Variants in SERGEF observed in about 807,000 individuals in gnomAD.
SERGEF encodes secretion regulating guanine nucleotide exchange factor.
A neutral mutation model predicts 50.0 loss-of-function variants in SERGEF; 51 were observed. The observed-to-expected ratio is 1.02, with a 90% confidence interval of 0.81 to 1.29. SERGEF has a LOEUF of 1.29. Among genes scored for constraint, SERGEF ranks in the 50% most tolerant of loss-of-function variants. The pLI is 0.00. For synonymous variants in SERGEF, 205 were observed against 212.4 expected, an observed-to-expected ratio of 0.97 and a Z score of 0.30; for missense variants, 521 against 557.0, an observed-to-expected ratio of 0.94 and a Z score of 0.65.
intron 9 of SERGEF, among the ~76,000 whole-genome samples, chr11:17,893,234 G>A (rs147669178): frequency 0.01 from 1,575 of 152,252 alleles, 24 homozygotes; most frequent in Middle Eastern, 0.075. Flanking sequence ...TTAAATAGAT[G>A]AGAAAATTGA....
chr11:17,999,540 G>A (rs771686840), intron 5 of SERGEF: 1 of 455,964 alleles, frequency 2.2e-6, no homozygotes, highest in South Asian at 1.6e-5. Context: ...CGAAGCACCT[G>A]AGCCTCAGCT....
intron 9 of SERGEF, among the ~76,000 whole-genome samples, chr11:17,917,394 A>G (rs1852069032): frequency 6.6e-6 from 1 of 152,174 alleles, no homozygotes; most frequent in African/African-American, 2.4e-5. Flanking sequence ...AGAATGACAC[A>G]ATAGACTTCA....
intron 10 of SERGEF, among the ~76,000 whole-genome samples, chr11:17,861,258 A>G (rs1850921697): frequency 6.6e-6 from 1 of 152,246 alleles, no homozygotes; most frequent in Non-Finnish European, 1.5e-5. Context: ...CTGTGCCAAG[A>G]GCTTTTCCAT....
Position 17,995,807 on chromosome 11 carries a change from C to T in SERGEF, c.611G>A (p.Ser204Asn). 3.7e-6 allele frequency: 6 copies of T among 1,612,106 alleles called. No individual in the cohort carries two copies. Among genetic ancestry groups the T allele is most frequent in the Non-Finnish European group, 5.1e-6 (6 of 1,178,294 alleles). Reference sequence around the variant, plus strand: ...AAGAAGCATCTTACCTGTCACTCTGCTTGGTTCCTTTGCTGTGAAAAACAA... The same window carrying T: ...AAGAAGCATCTTACCTGTCACTCTGTTTGGTTCCTTTGCTGTGAAAAACAA... ...LPLFFTAKEP[S>N]RVTGLENSKA... The change falls in exon 6 of 11, where the codon AGC becomes AAC. Residue 204 changes from serine to asparagine, a missense_variant. By Grantham distance (46) the Ser-to-Asn change is conservative. Transcript: ENST00000265965.
At chr11:17,934,803 T>C (rs185832082) in intron 9 of SERGEF, among the ~76,000 whole-genome samples, 30 of 152,364 alleles carry the variant, frequency 2.0e-4, no homozygotes, top group African/African-American at 6.7e-4. Flanking sequence ...ATGAAATTAT[T>C]TGAAGAAAGA....
chr11:17,885,713 A>T (rs2133905313), intron 9 of SERGEF, among the ~76,000 whole-genome samples: 1 of 152,148 alleles, frequency 6.6e-6, no homozygotes, highest in South Asian at 2.1e-4. Context: ...CTCCTTTCCT[A>T]AATAAACCCT....
chr11:18,010,975 C>G lies in SERGEF; in HGVS notation c.60+1976G>C, dbSNP rs926591277. Among the ~76,000 whole-genome samples, 4 of 152,146 alleles carry G rather than the reference C, an allele frequency of 2.6e-5. No individual in the cohort carries two copies. The East Asian group carries it at 7.7e-4, about 29-fold the overall frequency. On this transcript the variant is annotated intron_variant, in intron 1 of 10. Transcript: ENST00000265965. ...AGAAAAGTAACATGACACATGGGCA[C>G]TCTGAGGTTCAAATTACGGTACCAA...
At chr11:17,870,874 T>A (rs185838698) in intron 10 of SERGEF, among the ~76,000 whole-genome samples, 8 of 152,158 alleles carry the variant, frequency 5.3e-5, no homozygotes, top group Non-Finnish European at 1.0e-4. Context: ...GATACTAGCA[T>A]ACAAACGGAA....
rs553471531 is a variant in SERGEF at position 17,790,610 on chromosome 11, G to T, written c.1049-2197C>A. On this transcript the variant is annotated intron_variant, in intron 10 of 10. Coordinates refer to ENST00000265965, the MANE Select transcript of SERGEF (RefSeq NM_012139.4). ...TTGCTATTATAGACAGTATTGCAAT[G>T]AAAGTCTTTGAACATATCTCCTTGT... 3.3e-5 allele frequency among the ~76,000 whole-genome samples: 5 copies of T among 152,266 alleles called. No individual in the cohort carries two copies. The South Asian group carries it at 1.0e-3, about 32-fold the overall frequency.
chr11:17,998,474 T>C (rs1180855326), intron 5 of SERGEF, among the ~76,000 whole-genome samples: 6 of 127,574 alleles, frequency 4.7e-5, no homozygotes, highest in Admixed American at 8.1e-5. Context: ...TATATATATA[T>C]ATATATATAT....
intron 10 of SERGEF, among the ~76,000 whole-genome samples, chr11:17,790,874 C>T (rs1849473836): frequency 6.6e-6 from 1 of 152,198 alleles, no homozygotes; most frequent in Non-Finnish European, 1.5e-5. Context: ...GGAGCAGTAG[C>T]GCTTTCTGTT....
chr11:18,003,338 T>C (rs1246327416), intron 4 of SERGEF, among the ~76,000 whole-genome samples: 3 of 152,240 alleles, frequency 2.0e-5, no homozygotes, highest in Non-Finnish European at 4.4e-5. Flanking sequence ...ATTTTAAGTA[T>C]GATGCACTGA....
intron 2 of SERGEF, 37 bp from the exon 3 acceptor site, chr11:18,006,783 G>A (rs1854083800): frequency 1.2e-6 from 2 of 1,600,954 alleles, no homozygotes; most frequent in Non-Finnish European, 1.7e-6. Flanking sequence ...AGCGTGCACA[G>A]GAAAAAACAC....
chr11:17,902,323 C>G (rs945932895), intron 9 of SERGEF, among the ~76,000 whole-genome samples: 1 of 152,162 alleles, frequency 6.6e-6, no homozygotes, highest in Non-Finnish European at 1.5e-5. Flanking sequence ...TATGAAAGGA[C>G]AGAGGACCAG....
chr11:17,991,458 G>C lies in SERGEF; in HGVS notation c.685+1473C>G, dbSNP rs1231823986. ...GTAGTCTACTTTTATTCTCAGAAAA[G>C]AATGCCTTCTCCATCCCTCATTGAC... is the stretch of plus-strand genomic sequence containing the variant. On this transcript the variant is annotated intron_variant, in intron 7 of 10. Coordinates refer to ENST00000265965, the MANE Select transcript of SERGEF (RefSeq NM_012139.4). This position sits in a 1 kb window ranked among gnomAD's most constrained non-coding sequence, Gnocchi z 4.9. 6.6e-6 allele frequency among the ~76,000 whole-genome samples: 1 copy of C among 152,094 alleles called. No homozygotes were observed. Among genetic ancestry groups the C allele is most frequent in the African/African-American group, 2.4e-5 (1 of 41,412 alleles).
At chr11:17,880,406 T>G (rs1034348896) in intron 9 of SERGEF, among the ~76,000 whole-genome samples, 2 of 152,200 alleles carry the variant, frequency 1.3e-5, no homozygotes, top group Admixed American at 1.3e-4. Flanking sequence ...GGGAAATGCT[T>G]ATGTAAATTA....
intron 9 of SERGEF, among the ~76,000 whole-genome samples, chr11:17,891,976 G>A (rs1851538997): frequency 6.6e-6 from 1 of 152,128 alleles, no homozygotes; most frequent in Admixed American, 6.6e-5. Flanking sequence ...CTGAAAATAA[G>A]TATTTGCATA....
chr11:17,883,407 A>G (rs1459335320), intron 9 of SERGEF, among the ~76,000 whole-genome samples: 1 of 152,218 alleles, frequency 6.6e-6, no homozygotes, highest in Admixed American at 6.5e-5. Context: ...CCTGTTTGTA[A>G]AAACAGCTGA....
At chr11:17,911,875 A>G (rs1478076940) in intron 9 of SERGEF, among the ~76,000 whole-genome samples, 3 of 152,194 alleles carry the variant, frequency 2.0e-5, no homozygotes, top group Non-Finnish European at 4.4e-5. Flanking sequence ...CAGTTTTTGA[A>G]TGACAACTCA....
Sources: gnomAD v4.1 joint callset for allele counts (sites outside exome capture counted in the v4.1 genomes callset) on GRCh38, gnomAD v4.1.1 for gene constraint, Gnocchi (gnomAD v3.1) non-coding constraint, MANE v1.5 for transcripts, NCBI Gene and HGNC (gene_info 2026-07-23, HGNC 2026-07-21) for gene names.